Variants in MGAT4C observed in about 807,000 individuals in gnomAD.
MGAT4C encodes alpha-1,3-mannosyl-glycoprotein 4-beta-N-acetylglucosaminyltransferase C.
A neutral mutation model predicts 40.1 loss-of-function variants in MGAT4C; 19 were observed. The observed-to-expected ratio is 0.47, with a 90% CI of 0.33 to 0.70. The LOEUF (loss-of-function observed/expected upper bound fraction) is 0.70, where lower values mean the gene tolerates loss of function less well. Ranked by LOEUF, MGAT4C falls within the 30% of genes least tolerant of loss-of-function variation. The probability of loss-of-function intolerance (pLI) is 0.02; values close to 1 mark genes in which losing one functional copy is unlikely to be tolerated. For synonymous variants in MGAT4C, 181 were observed against 187.1 expected (o/e 0.97, Z 0.27); for missense variants, 491 against 563.2 (o/e 0.87, Z 1.30).
At chr12:86,273,691 T>C (rs560869849) in intron 4 of MGAT4C, among the ~76,000 whole-genome samples, 1 of 152,270 alleles carries the variant, frequency 6.6e-6, no homozygotes, top group Admixed American at 6.5e-5. Context: ...ATGAGGGTCT[T>C]GTAGTGAGAC....
Position 86,073,260 on chromosome 12 carries a change from T to C in MGAT4C, c.-56-23537A>G, listed in dbSNP as rs540800269. On this transcript the variant is annotated intron_variant, in intron 1 of 4. Transcript: ENST00000611864. Reference sequence around the variant, plus strand: ...CACCTTCTGCCACAATTGTGAGGGCTTCCCAGCCATGTGGAACTGTGAGTC... The same window carrying C: ...CACCTTCTGCCACAATTGTGAGGGCCTCCCAGCCATGTGGAACTGTGAGTC... Among the ~76,000 whole-genome samples, 11 of 152,344 alleles carry C rather than the reference T, an allele frequency of 7.2e-5. No homozygotes were observed. The South Asian group carries it at 2.3e-3, about 32-fold the overall frequency.
chr12:86,062,062 C>T (rs1894035761), intron 1 of MGAT4C, among the ~76,000 whole-genome samples: 2 of 152,146 alleles, frequency 1.3e-5, no homozygotes, highest in Non-Finnish European at 2.9e-5. Flanking sequence ...CTCCCTGACC[C>T]CCACGTATCC....
chr12:86,320,962 T>C (rs1954370793), intron 4 of MGAT4C, among the ~76,000 whole-genome samples: 1 of 152,140 alleles, frequency 6.6e-6, no homozygotes. Flanking sequence ...ATCCCATTCT[T>C]GCTCCTAAAC....
At chr12:86,721,571 T>C (rs556889704) in intron 2 of MGAT4C, among the ~76,000 whole-genome samples, 4 of 152,222 alleles carry the variant, frequency 2.6e-5, no homozygotes, top group East Asian at 1.9e-4. Context: ...TTAGCATGGA[T>C]TGGGGAGCTA....
chr12:86,755,700 T>C (rs1951293834), intron 1 of MGAT4C, among the ~76,000 whole-genome samples: 1 of 151,716 alleles, frequency 6.6e-6, no homozygotes, highest in African/African-American at 2.4e-5. Context: ...CAGGCTGGAG[T>C]GCAATAGTGC....
Position 86,412,178 on chromosome 12 carries a change from GGGGTTGGAGGCCCCCCACAGATT to G in MGAT4C, c.-120+22956_-120+22978del, listed in dbSNP as rs1381848343. ...CCAGGGCAGTGCAGAGGGAAAACGTGGGGTTGGAGGCCCCCCACAGATTCCCCACTGGGGCACTTCCTAGGGGA... is the reference window on the plus strand; with the variant it reads ...CCAGGGCAGTGCAGAGGGAAAACGTGCCCCACTGGGGCACTTCCTAGGGGA... On this transcript the variant is annotated intron_variant, in intron 3 of 7. Coordinates refer to the MGAT4C transcript ENST00000548651. Among the ~76,000 whole-genome samples, 4 of 152,218 alleles carry G rather than the reference GGGGTTGGAGGCCCCCCACAGATT, an allele frequency of 2.6e-5. No individual in the cohort carries two copies. The South Asian group carries it at 6.2e-4, about 24-fold the overall frequency.
intron 3 of MGAT4C, among the ~76,000 whole-genome samples, chr12:86,367,170 C>A (rs1049042510): frequency 6.6e-6 from 1 of 151,846 alleles, no homozygotes; most frequent in Non-Finnish European, 1.5e-5. Flanking sequence ...AAGGAAATCA[C>A]TTCTGTCCTA....
At chr12:86,522,483 TG>T (rs1367909155) in intron 2 of MGAT4C, among the ~76,000 whole-genome samples, 2 of 152,188 alleles carry the variant, frequency 1.3e-5, no homozygotes, top group Non-Finnish European at 2.9e-5. Flanking sequence ...ATTTTTGATG[TG>T]CTGCTGGATT....
At chr12:86,678,891 C>T (rs576117356) in intron 2 of MGAT4C, among the ~76,000 whole-genome samples, 6 of 152,004 alleles carry the variant, frequency 3.9e-5, no homozygotes, top group Non-Finnish European at 5.9e-5. Flanking sequence ...AGTAAACATA[C>T]GTGTGCATGT....
At chr12:86,447,245 C>G (rs1364309381) in intron 2 of MGAT4C, among the ~76,000 whole-genome samples, 1 of 152,180 alleles carries the variant, frequency 6.6e-6, no homozygotes, top group East Asian at 1.9e-4. Flanking sequence ...CCTGCCTCAG[C>G]CTCCCGAGTA....
At chr12:86,168,824 T>A (rs839116) in intron 1 of MGAT4C, among the ~76,000 whole-genome samples, 134,886 of 152,062 alleles carry the variant, frequency 0.89, 60,071 homozygotes, top group East Asian at 1. Context: ...TATTTTTATA[T>A]TTGCTTCAGA....
At chr12:86,467,426 G>A (rs1957697458) in intron 2 of MGAT4C, among the ~76,000 whole-genome samples, 1 of 152,140 alleles carries the variant, frequency 6.6e-6, no homozygotes, top group Admixed American at 6.5e-5. Flanking sequence ...CCTTTGCACT[G>A]TAATATGAAA....
intron 1 of MGAT4C, among the ~76,000 whole-genome samples, chr12:86,240,510 A>G (rs1951739578): frequency 6.6e-6 from 1 of 152,112 alleles, no homozygotes; most frequent in Non-Finnish European, 1.5e-5. Context: ...AAATAATTTT[A>G]AATTTACCAC....
chr12:86,692,239 T>A lies in MGAT4C; in HGVS notation c.-229+34970A>T, dbSNP rs528116306. Among the ~76,000 whole-genome samples, 6 of 152,290 alleles carry A rather than the reference T, an allele frequency of 3.9e-5. No homozygotes were observed. The South Asian group carries it at 8.3e-4, about 21-fold the overall frequency. On this transcript the variant is annotated intron_variant, in intron 2 of 7. Transcript: ENST00000548651. ...TAAAGACAGACTATTTGAAAATCTTTAAATGTGAAAAATACATTAAGCCTA... is the reference window on the plus strand; with the variant it reads ...TAAAGACAGACTATTTGAAAATCTTAAAATGTGAAAAATACATTAAGCCTA...
At chr12:86,190,025 T>C (rs899376142) in intron 1 of MGAT4C, among the ~76,000 whole-genome samples, 2 of 152,048 alleles carry the variant, frequency 1.3e-5, no homozygotes, top group Non-Finnish European at 2.9e-5. Flanking sequence ...TTTCATTTGA[T>C]TGGAATTTTG....
chr12:86,132,151 G>T (rs555717421), intron 1 of MGAT4C, among the ~76,000 whole-genome samples: 1 of 152,006 alleles, frequency 6.6e-6, no homozygotes, highest in Non-Finnish European at 1.5e-5. Context: ...AAATCTCTTT[G>T]TCTTGAAATT....
chr12:86,544,927 C>A (rs1331039633), intron 2 of MGAT4C, among the ~76,000 whole-genome samples: 2 of 151,952 alleles, frequency 1.3e-5, no homozygotes, highest in Non-Finnish European at 2.9e-5. Context: ...GTTCACCATG[C>A]AACTCTTTAA....
chr12:86,377,552 A>T (rs1955852919), intron 3 of MGAT4C, among the ~76,000 whole-genome samples: 1 of 152,166 alleles, frequency 6.6e-6, no homozygotes, highest in South Asian at 2.1e-4. Flanking sequence ...CTATTAAATA[A>T]TGACTTGCGC....
chr12:86,036,032 T>G (rs1248716315), intron 2 of MGAT4C, among the ~76,000 whole-genome samples: 1 of 150,156 alleles, frequency 6.7e-6, no homozygotes, highest in Non-Finnish European at 1.5e-5. Context: ...TTTGTTCTTT[T>G]GGTTTAAAAT....
Sources: gnomAD v4.1 joint callset for allele counts (sites outside exome capture counted in the v4.1 genomes callset) on GRCh38, gnomAD v4.1.1 for gene constraint, MANE v1.5 for transcripts, NCBI Gene and HGNC (gene_info 2026-07-23, HGNC 2026-07-21) for gene names.